Variants in OSBPL9 observed in about 807,000 individuals in gnomAD.
OSBPL9 encodes oxysterol-binding protein-related protein 9.
In OSBPL9, 40 loss-of-function variants were observed where a neutral mutation model predicts 106.6. The ratio of observed to expected loss-of-function variants is 0.38; its 90% CI spans 0.29 to 0.49. The LOEUF is 0.49. Among genes scored for constraint, OSBPL9 ranks in the 20% least tolerant of loss-of-function variants. The pLI is 0.97. For missense variants in OSBPL9, 609 were observed against 887.2 expected, an observed-to-expected ratio of 0.69 and a Z score of 3.98; for synonymous variants, 269 against 295.4, an observed-to-expected ratio of 0.91 and a Z score of 0.92.
At chr1:51,739,113 C>T (rs1666330743) in intron 4 of OSBPL9, among the ~76,000 whole-genome samples, 1 of 151,952 alleles carries the variant, frequency 6.6e-6, no homozygotes, top group African/African-American at 2.4e-5. Flanking sequence ...TGCTCGTTTC[C>T]ACTATGTCAA....
rs1672047653 is a variant in OSBPL9, at chr1:51,763,900, TA to T, written c.779-1918del. Reference sequence around the variant, plus strand: ...CAAAATTTTTCTGTTTGGAAATACGTAAAACTAGCAACAGACTTTGAGAAAG... The same window carrying T: ...CAAAATTTTTCTGTTTGGAAATACGTAAACTAGCAACAGACTTTGAGAAAG... On this transcript the variant is annotated intron_variant, in intron 11 of 23. Coordinates refer to ENST00000428468, the MANE Select transcript of OSBPL9 (RefSeq NM_024586.6). 2.6e-5 allele frequency among the ~76,000 whole-genome samples: 4 copies of T among 152,276 alleles called. No individual in the cohort carries two copies. In the South Asian group the frequency reaches 8.3e-4, roughly 32 times the overall value.
At chr1:51,776,211 A>C (rs1444726755) in intron 14 of OSBPL9, among the ~76,000 whole-genome samples, 1 of 151,902 alleles carries the variant, frequency 6.6e-6, no homozygotes, top group African/African-American at 2.4e-5. Context: ...TTACTGTGTA[A>C]ATAGTAGTGA....
At chr1:51,603,829 T>G (rs1254878717) in intron 2 of OSBPL9, among the ~76,000 whole-genome samples, 2 of 151,908 alleles carry the variant, frequency 1.3e-5, no homozygotes, top group Non-Finnish European at 2.9e-5. Context: ...TAAACCCGGG[T>G]AGGAGTTGGG....
intron 1 of OSBPL9, among the ~76,000 whole-genome samples, chr1:51,580,167 T>C (rs1645212812): frequency 6.6e-6 from 1 of 152,212 alleles, no homozygotes; most frequent in Non-Finnish European, 1.5e-5. Context: ...ACCATAATAA[T>C]TCAAATATTT....
the OSBPL9 span, among the ~76,000 whole-genome samples, chr1:51,557,642 G>T: frequency 2.0e-5 from 3 of 152,180 alleles, no homozygotes; most frequent in Admixed American, 2.0e-4. Context: ...TCCCACTTGA[G>T]TAATAACATG....
At chr1:51,782,264 C>G (rs1676562727) in intron 16 of OSBPL9, among the ~76,000 whole-genome samples, 1 of 152,194 alleles carries the variant, frequency 6.6e-6, no homozygotes, top group South Asian at 2.1e-4. Context: ...TACGTATAGT[C>G]CATACTGAAG....
At chr1:51,547,597 A>G in the OSBPL9 span, among the ~76,000 whole-genome samples, 1 of 152,192 alleles carries the variant, frequency 6.6e-6, no homozygotes, top group Admixed American at 6.6e-5. Context: ...GAATCCCAGC[A>G]CTTTGGGAGG....
the OSBPL9 span, among the ~76,000 whole-genome samples, chr1:51,545,055 G>C: frequency 6.6e-6 from 1 of 151,948 alleles, no homozygotes. Context: ...TGTTGGCCAG[G>C]CTTGTCTCAA....
intron 11 of OSBPL9, 56 bp from the exon 12 acceptor site, chr1:51,765,766 C>T: frequency 1.3e-5 from 19 of 1,490,698 alleles, no homozygotes; most frequent in Non-Finnish European, 1.7e-5. Context: ...GACTCCATCT[C>T]CCTAGTTTCT....
intron 1 of OSBPL9, among the ~76,000 whole-genome samples, chr1:51,618,316 G>T (rs1195972975): frequency 6.6e-6 from 1 of 152,144 alleles, no homozygotes; most frequent in Non-Finnish European, 1.5e-5. Flanking sequence ...ACCGCGTCCG[G>T]CCTTGAATCT....
intron 3 of OSBPL9, among the ~76,000 whole-genome samples, chr1:51,678,553 C>T (rs1651822295): frequency 1.3e-5 from 2 of 152,128 alleles, no homozygotes; most frequent in South Asian, 2.1e-4. Context: ...CCCAGCTACT[C>T]GGTAGGCTGA....
chr1:51,748,877 G>C (rs1030306524), intron 7 of OSBPL9, among the ~76,000 whole-genome samples: 1 of 152,024 alleles, frequency 6.6e-6, no homozygotes, highest in Non-Finnish European at 1.5e-5. Context: ...CCTGAGGTTG[G>C]GAGTTCCAGA....
chr1:51,690,403 G>A (rs558803183), intron 3 of OSBPL9, among the ~76,000 whole-genome samples: 35 of 152,316 alleles, frequency 2.3e-4, no homozygotes, highest in Admixed American at 1.3e-4. Context: ...TCATATTGTC[G>A]AAGTGGAAGT....
At chr1:51,784,734 C>A in intron 20 of OSBPL9, 152 bp downstream of exon 20, 1 of 895,328 alleles carries the variant, frequency 1.1e-6, no homozygotes. Flanking sequence ...TTGCTGAAGT[C>A]CCATATCAGA....
At chr1:51,651,373 TG>T (rs1162905593) in intron 1 of OSBPL9, among the ~76,000 whole-genome samples, 5 of 151,958 alleles carry the variant, frequency 3.3e-5, no homozygotes, top group African/African-American at 4.8e-5. Flanking sequence ...GAGGCCGAGG[TG>T]GGTGGATCAC....
chr1:51,712,130 A>T (rs561573566), intron 3 of OSBPL9, among the ~76,000 whole-genome samples: 1 of 152,160 alleles, frequency 6.6e-6, no homozygotes, highest in Non-Finnish European at 1.5e-5. Flanking sequence ...ACCATTGAGC[A>T]CTGAGTGAAC....
At chr1:51,754,095 A>AG (rs994440891) in intron 8 of OSBPL9, among the ~76,000 whole-genome samples, 2 of 152,164 alleles carry the variant, frequency 1.3e-5, no homozygotes, top group African/African-American at 4.8e-5. Context: ...AGGGGAGAGA[A>AG]GGGGAGTAGG....
intron 4 of OSBPL9, among the ~76,000 whole-genome samples, chr1:51,740,836 A>G (rs1032750481): frequency 2.0e-5 from 3 of 152,072 alleles, no homozygotes; most frequent in South Asian, 2.1e-4. Flanking sequence ...CTTCACCTTT[A>G]TCTCCACTGT....
chr1:51,740,111 T>C (rs1399247842), intron 4 of OSBPL9: 3 of 1,549,118 alleles, frequency 1.9e-6, no homozygotes, highest in Non-Finnish European at 2.6e-6. Context: ...ATGGTAACTT[T>C]CTATTCTCTC....
Sources: gnomAD v4.1 joint callset for allele counts (sites outside exome capture counted in the v4.1 genomes callset) on GRCh38, gnomAD v4.1.1 for gene constraint, MANE v1.5 for transcripts, NCBI Gene and HGNC (gene_info 2026-07-23, HGNC 2026-07-21) for gene names.